Variants in ATP11C observed in about 807,000 individuals in gnomAD.
The protein encoded by ATP11C is ATPase phospholipid transporting 11C (ATP11C blood group).
A neutral mutation model predicts 97.4 loss-of-function variants in ATP11C; 36 were observed. The observed-to-expected ratio is 0.37, with a 90% CI of 0.28 to 0.49. The LOEUF (loss-of-function observed/expected upper bound fraction) is 0.49, where lower values mean the gene tolerates loss of function less well. Among genes scored for constraint, ATP11C ranks in the 20% least tolerant of loss-of-function variants. The pLI, the probability that ATP11C is intolerant of heterozygous loss-of-function variation, is 0.98. For missense variants in ATP11C, 730 were observed against 824.6 expected (o/e 0.89, Z 1.40); for synonymous variants, 275 against 290.9 (o/e 0.95, Z 0.56).
intron 1 of ATP11C, among the ~76,000 whole-genome samples, chrX:139,860,742 C>T (rs764774578): frequency 2.2e-3 from 242 of 111,870 alleles, no homozygotes; most frequent in Non-Finnish European, 3.3e-3. Context: ...CGCTTGAACC[C>T]GGGAGGCAGA....
intron 1 of ATP11C, among the ~76,000 whole-genome samples, chrX:139,911,218 C>G (rs190864255): frequency 0.01 from 1,108 of 110,605 alleles, 10 homozygotes; most frequent in Non-Finnish European, 0.015. Context: ...GAGAAGATAT[C>G]TGCAACATAG....
intron 1 of ATP11C, among the ~76,000 whole-genome samples, chrX:139,834,312 T>C (rs1393810095): frequency 9.0e-6 from 1 of 111,640 alleles, no homozygotes. Context: ...ATACCGTTAG[T>C]ATTTTGGAAC....
rs1428753650 is a variant in ATP11C, at chrX:139,794,594, A to T, written c.1206+1679T>A. Among the ~76,000 whole-genome samples the T allele has an allele frequency of 2.7e-5, 3 of 111,763 alleles. No homozygotes were observed. In the Admixed American group the frequency reaches 2.9e-4, roughly 11 times the overall value. On this transcript the variant is annotated intron_variant, in intron 12 of 29. Transcript: ENST00000682941. ...GAAAGGAGTGGTGACTAAAAGGAAGACTGCAGCTTCTTTTCACTCATCAAA... is the reference window on the plus strand; with the variant it reads ...GAAAGGAGTGGTGACTAAAAGGAAGTCTGCAGCTTCTTTTCACTCATCAAA...
chrX:139,849,659 C>T (rs2083959706), intron 1 of ATP11C, among the ~76,000 whole-genome samples: 1 of 112,216 alleles, frequency 8.9e-6, no homozygotes. Flanking sequence ...TCTAACTTGC[C>T]AAATGCAATG....
At chrX:139,813,024 A>G (rs1402594738) in intron 5 of ATP11C, among the ~76,000 whole-genome samples, 1 of 112,158 alleles carries the variant, frequency 8.9e-6, no homozygotes, top group Admixed American at 9.4e-5. Flanking sequence ...CATCATTACT[A>G]TAAGATGATG....
At chrX:139,752,935 C>T (rs1469317024) in intron 23 of ATP11C, among the ~76,000 whole-genome samples, 1 of 111,811 alleles carries the variant, frequency 8.9e-6, no homozygotes, top group Admixed American at 9.5e-5. Context: ...TAAGAGACAG[C>T]ATACCAAATA....
chrX:139,905,099 AG>A (rs1397104120), intron 1 of ATP11C, among the ~76,000 whole-genome samples: 4 of 112,330 alleles, frequency 3.6e-5, no homozygotes, highest in African/African-American at 1.3e-4. Context: ...AGTGAGGGAA[AG>A]GAAGAAAGAT....
chrX:139,853,220 G>A (rs907704966), intron 1 of ATP11C, among the ~76,000 whole-genome samples: 4 of 111,397 alleles, frequency 3.6e-5, no homozygotes, highest in Non-Finnish European at 7.5e-5. Context: ...GAAGAGGAAG[G>A]AGAGGGGAGA....
chrX:139,900,026 T>G (rs1255428162), intron 1 of ATP11C, among the ~76,000 whole-genome samples: 1 of 110,265 alleles, frequency 9.1e-6, no homozygotes, highest in Non-Finnish European at 1.9e-5. Flanking sequence ...ACAACTTGAT[T>G]GTGTAGCACA....
At position 139,789,373 on chromosome X, in the gene ATP11C, A is replaced by G; in HGVS notation, c.1322T>C (p.Leu441Ser). ...YKGVTQEVDG[L>S]SQTDGTLTYF... is the part of the protein sequence containing the mutation. ...TGTTAAAGTTCCATCAGTTTGAGAT[A>G]ATCCATCAACCTCTTGAGTTACACC... Residue 441 changes from leucine (L) to serine (S), a missense_variant, in exon 13 of 30, where the codon TTA becomes TCA. By Grantham distance (145) the Leu-to-Ser change is moderately radical. Transcript: ENST00000682941. 2 of 1,206,540 alleles carry G rather than the reference A, an allele frequency of 1.7e-6. No homozygotes were observed. The highest frequency in any genetic ancestry group is 2.2e-6 in the Non-Finnish European group (2 of 892,156).
chrX:139,785,982 C>A, intron 15 of ATP11C, among the ~76,000 whole-genome samples: 1 of 110,820 alleles, frequency 9.0e-6, no homozygotes, highest in Non-Finnish European at 1.9e-5. Context: ...TTCACCAATG[C>A]CCAAAAAACT....
intron 5 of ATP11C, among the ~76,000 whole-genome samples, chrX:139,807,269 G>A (rs1254415262): frequency 1.8e-5 from 2 of 108,641 alleles, no homozygotes; most frequent in Non-Finnish European, 1.9e-5. Flanking sequence ...TAGTATAACA[G>A]GAACACCATA....
chrX:139,796,926 CT>C (rs1556333845), intron 11 of ATP11C, among the ~76,000 whole-genome samples: 2 of 108,874 alleles, frequency 1.8e-5, no homozygotes, highest in African/African-American at 6.8e-5. Context: ...AGAAAAAAAA[CT>C]CTTTTTTTCT....
At chrX:139,884,634 T>C (rs1305882969) in intron 1 of ATP11C, among the ~76,000 whole-genome samples, 2 of 112,288 alleles carry the variant, frequency 1.8e-5, no homozygotes, top group Admixed American at 1.9e-4. Flanking sequence ...AGCAGTACTT[T>C]TTAAAATTTT....
intron 5 of ATP11C, among the ~76,000 whole-genome samples, chrX:139,814,562 T>C (rs1025878131): frequency 8.9e-6 from 1 of 111,937 alleles, no homozygotes; most frequent in Non-Finnish European, 1.9e-5. Context: ...CTATATACTA[T>C]AATGCAGATG....
intron 5 of ATP11C, among the ~76,000 whole-genome samples, chrX:139,812,478 T>C (rs954449825): frequency 4.5e-5 from 5 of 110,118 alleles, no homozygotes; most frequent in Non-Finnish European, 3.8e-5. Flanking sequence ...TTTTACGTAG[T>C]GTACTGGGAA....
intron 1 of ATP11C, among the ~76,000 whole-genome samples, chrX:139,851,554 G>T (rs1345969222): frequency 9.0e-6 from 1 of 111,501 alleles, no homozygotes; most frequent in Non-Finnish European, 1.9e-5. Context: ...GGAAATATGG[G>T]ACTGGGACCA....
chrX:139,887,795 A>AC (rs1002656166), intron 1 of ATP11C, among the ~76,000 whole-genome samples: 1 of 109,292 alleles, frequency 9.1e-6, no homozygotes, highest in Admixed American at 9.9e-5. Context: ...ACAAGGTAAA[A>AC]CCCCATCTCT....
intron 29 of ATP11C, 39 bp downstream of exon 29, chrX:139,731,612 G>A (rs1273431786): frequency 4.4e-6 from 4 of 918,615 alleles, no homozygotes; most frequent in Admixed American, 2.7e-5. Flanking sequence ...CTGTTAATCC[G>A]ATTTTTTAAA....
Sources: gnomAD v4.1 joint callset for allele counts (sites outside exome capture counted in the v4.1 genomes callset) on GRCh38, gnomAD v4.1.1 for gene constraint, MANE v1.5 for transcripts, NCBI Gene and HGNC (gene_info 2026-07-23, HGNC 2026-07-21) for gene names.